Variants in STK3 observed in about 807,000 individuals in gnomAD.
The protein encoded by STK3 is serine/threonine kinase 3, also known as serine/threonine-protein kinase 3.
Under a neutral mutation model 58.0 loss-of-function variants are expected in STK3, and 41 were observed. That is an observed-to-expected ratio of 0.71 (90% CI 0.55 to 0.92). The LOEUF (loss-of-function observed/expected upper bound fraction) is 0.92. Ranked by LOEUF, STK3 falls within the 40% of genes least tolerant of loss-of-function variation. The pLI is 0.00. For missense variants in STK3, 479 were observed against 602.7 expected (o/e 0.79, Z 2.15); for synonymous variants, 170 against 191.0 (o/e 0.89, Z 0.91).
At position 98,500,174 on chromosome 8, in the gene STK3, CAAAAA is replaced by C. The variant is rs11367582; in HGVS notation, c.1317+26563_1317+26567del. ...ACACAAAAGAAAAAGGTCATGTGACCAAAAAAAAAGAAAACAAAAAGAAACAGATA... is the reference window on the plus strand; with the variant it reads ...ACACAAAAGAAAAAGGTCATGTGACCAAAAGAAAACAAAAAGAAACAGATA... On this transcript the variant is annotated intron_variant, in intron 10 of 10. Coordinates refer to ENST00000419617, the MANE Select transcript of STK3 (RefSeq NM_006281.4). 9.2e-5 allele frequency among the ~76,000 whole-genome samples: 14 copies of C among 151,546 alleles called. No individual in the cohort carries two copies. In the East Asian group the frequency reaches 2.5e-3, roughly 27 times the overall value.
Position 98,658,634 on chromosome 8 carries a change from C to T in STK3, c.684+47833G>A, listed in dbSNP as rs556326912. On this transcript the variant is annotated intron_variant, in intron 6 of 10. Transcript: ENST00000419617. ...TTGCTGACGCTTCCCTTCTAGGTCT[C>T]TTTTTTCCTTTCAATCACCCCCTAT... Among the ~76,000 whole-genome samples, 619 of 152,068 alleles carry T rather than the reference C, an allele frequency of 4.1e-3. 3 individuals are homozygous for T. Among genetic ancestry groups the T allele is most frequent in the African/African-American group, 0.013 (539 of 41,518 alleles).
intron 10 of STK3, among the ~76,000 whole-genome samples, chr8:98,495,439 T>G (rs1244472687): frequency 2.0e-5 from 3 of 152,116 alleles, no homozygotes; most frequent in Non-Finnish European, 4.4e-5. Context: ...GCTCTGACCA[T>G]GAAAAATGTT....
At chr8:98,436,600 T>C (rs1818499529) in intron 2 of STK3, 1 of 152,230 alleles carries the variant, frequency 6.6e-6, no homozygotes. Context: ...CCAAGTACCA[T>C]GTTAGATGCA....
chr8:98,637,209 G>C (rs1324381031), intron 6 of STK3, among the ~76,000 whole-genome samples: 1 of 151,924 alleles, frequency 6.6e-6, no homozygotes, highest in South Asian at 2.1e-4. Flanking sequence ...AACCAGGCCT[G>C]GATTCCCACA....
chr8:98,888,404 C>G (rs1488672925), intron 1 of STK3, among the ~76,000 whole-genome samples: 1 of 152,156 alleles, frequency 6.6e-6, no homozygotes, highest in Non-Finnish European at 1.5e-5. Flanking sequence ...AGAGTGGTCT[C>G]AGTGCCTCCG....
chr8:98,937,019 T>C (rs1475669180), intron 1 of STK3, among the ~76,000 whole-genome samples: 1 of 152,216 alleles, frequency 6.6e-6, no homozygotes, highest in Non-Finnish European at 1.5e-5. Flanking sequence ...TCCAGATCCA[T>C]TGAAGTTTTC....
At chr8:98,507,972 C>T (rs1267620778) in intron 10 of STK3, among the ~76,000 whole-genome samples, 2 of 152,162 alleles carry the variant, frequency 1.3e-5, no homozygotes, top group African/African-American at 4.8e-5. Flanking sequence ...TCTTTTTTCT[C>T]TCCAAAGTAC....
At chr8:98,382,613 G>A (rs183007707) in intron 1 of STK3, among the ~76,000 whole-genome samples, 6 of 152,116 alleles carry the variant, frequency 3.9e-5, no homozygotes, top group Non-Finnish European at 8.8e-5. Flanking sequence ...AGACCTGCCC[G>A]GGCTGCTCCA....
intron 6 of STK3, among the ~76,000 whole-genome samples, chr8:98,653,357 C>T (rs1007785347): frequency 6.6e-6 from 1 of 152,164 alleles, no homozygotes; most frequent in South Asian, 2.1e-4. Flanking sequence ...ATTTATAGCA[C>T]TAAATACCCA....
At chr8:98,354,054 C>T in the STK3 span, among the ~76,000 whole-genome samples, 52,423 of 151,924 alleles carry the variant, frequency 0.35, 9,648 homozygotes, top group African/African-American at 0.45. Context: ...TGTGTGGTGT[C>T]CTAAAGAGAG....
chr8:98,426,610 G>A (rs1818236403), intron 3 of STK3, among the ~76,000 whole-genome samples: 1 of 152,144 alleles, frequency 6.6e-6, no homozygotes, highest in Admixed American at 6.5e-5. Flanking sequence ...CCGGGCTTCG[G>A]GAAACTTTTC....
chr8:98,904,992 T>A, intron 1 of STK3: 1 of 749,888 alleles, frequency 1.3e-6, no homozygotes, highest in Non-Finnish European at 2.5e-6. Context: ...GCAGACCCAG[T>A]ATCGCTTATA....
intron 8 of STK3, among the ~76,000 whole-genome samples, chr8:98,578,025 A>T (rs1813554301): frequency 1.3e-5 from 2 of 152,090 alleles, no homozygotes; most frequent in African/African-American, 4.8e-5. Flanking sequence ...GAAGAAAGAG[A>T]CCCCCAAAGG....
chr8:98,849,280 C>A (rs963312305), intron 3 of STK3, among the ~76,000 whole-genome samples: 5 of 151,546 alleles, frequency 3.3e-5, no homozygotes, highest in Admixed American at 1.3e-4. Context: ...TCAACTTATT[C>A]CAATATCTGT....
chr8:98,761,735 T>A (rs1214976517), intron 3 of STK3, among the ~76,000 whole-genome samples: 1 of 152,228 alleles, frequency 6.6e-6, no homozygotes, highest in African/African-American at 2.4e-5. Flanking sequence ...AAACTGAATA[T>A]ACAAATTGCC....
intron 1 of STK3, among the ~76,000 whole-genome samples, chr8:98,805,261 C>T (rs1833824828): frequency 6.6e-6 from 1 of 152,130 alleles, no homozygotes; most frequent in Admixed American, 6.5e-5. Context: ...TGAATTCTCA[C>T]ATAACATTTT....
intron 3 of STK3, among the ~76,000 whole-genome samples, chr8:98,761,333 C>T (rs1830603064): frequency 1.3e-5 from 2 of 151,886 alleles, no homozygotes; most frequent in Admixed American, 1.3e-4. Context: ...CCATGTTGTT[C>T]AGGCTGGTCT....
intron 1 of STK3, among the ~76,000 whole-genome samples, chr8:98,806,005 A>G (rs964045861): frequency 6.6e-6 from 1 of 152,212 alleles, no homozygotes; most frequent in Non-Finnish European, 1.5e-5. Context: ...CTATGGTCCC[A>G]CAGCACTTGG....
chr8:98,578,271 C>T (rs1448980348), intron 8 of STK3, among the ~76,000 whole-genome samples: 2 of 152,140 alleles, frequency 1.3e-5, no homozygotes, highest in South Asian at 4.1e-4. Flanking sequence ...CCCATATCAC[C>T]TACTCATCTT....
Sources: allele counts gnomAD v4.1 joint callset (sites outside exome capture counted in the v4.1 genomes callset), GRCh38; gene constraint gnomAD v4.1.1; transcripts MANE v1.5; gene names NCBI Gene and HGNC (gene_info 2026-07-23, HGNC 2026-07-21).